CHRM3: variants seen among roughly 807,000 people sequenced by gnomAD.
CHRM3 encodes the protein cholinergic receptor muscarinic 3.
CHRM3 carries 11 observed loss-of-function variants against 41.8 expected under a neutral mutation model. That is an observed-to-expected ratio of 0.26 (90% CI 0.17 to 0.44). The LOEUF (loss-of-function observed/expected upper bound fraction) is 0.44, where lower values mean the gene tolerates loss of function less well. CHRM3 is among the 20% of genes least tolerant of loss of function. The pLI, the probability that CHRM3 is intolerant of heterozygous loss-of-function variation, is 1.00. For missense variants in CHRM3, 571 were observed against 745.4 expected (o/e 0.77, Z 2.72); for synonymous variants, 297 against 301.4 (o/e 0.99, Z 0.15).
chr1:239,502,799 A>G (rs1453217916), intron 2 of CHRM3, among the ~76,000 whole-genome samples: 3 of 152,238 alleles, frequency 2.0e-5, no homozygotes, highest in Non-Finnish European at 2.9e-5. Context: ...ACAGAATTAA[A>G]AACAAAAATC....
chr1:239,644,009 C>T (rs1671499508), intron 4 of CHRM3, among the ~76,000 whole-genome samples: 1 of 152,146 alleles, frequency 6.6e-6, no homozygotes, highest in African/African-American at 2.4e-5. Flanking sequence ...TCAGAAGTTT[C>T]TTGTAATTGA....
chr1:239,663,454 A>G (rs1223859814), intron 4 of CHRM3, among the ~76,000 whole-genome samples: 2 of 152,150 alleles, frequency 1.3e-5, no homozygotes, highest in Non-Finnish European at 2.9e-5. Context: ...AACGGAAGGA[A>G]ATCTGGTCCC....
intron 4 of CHRM3, among the ~76,000 whole-genome samples, chr1:239,639,353 A>G (rs779967114): frequency 1.4e-3 from 216 of 152,170 alleles, no homozygotes; most frequent in South Asian, 4.4e-3. Flanking sequence ...ATTACCTTGG[A>G]CAGTATGGCC....
intron 5 of CHRM3, among the ~76,000 whole-genome samples, chr1:239,750,086 A>G (rs2148568634): frequency 6.6e-6 from 1 of 152,292 alleles, no homozygotes; most frequent in South Asian, 2.1e-4. Context: ...ATTCAGACAC[A>G]CCTTTTCTTA....
intron 1 of CHRM3, among the ~76,000 whole-genome samples, chr1:239,433,064 C>G (rs1662952953): frequency 6.6e-6 from 1 of 152,076 alleles, no homozygotes; most frequent in Non-Finnish European, 1.5e-5. Context: ...TTATTTCTAG[C>G]TTTCTCCTCC....
chr1:239,908,917 C>T lies in CHRM3; in HGVS notation c.1466C>T (p.Ala489Val). ...ATGTCCCTGGTCAAGGAGAAGAAAG[C>T]GGCCCAGACCCTCAGTGCGATCTTG... ...KRMSLVKEKK[A>V]AQTLSAILLA... The change falls in exon 7 of 7, where the codon GCG becomes GTG. Residue 489 changes from alanine (A) to valine (V), a missense_variant. Around this residue, in one of 5 missense-constraint regions of CHRM3, gnomAD observed 43 missense variants for 93.7 expected, o/e 0.46. Coordinates refer to ENST00000676153, the MANE Select transcript of CHRM3 (RefSeq NM_001375978.1). The surrounding 1 kb of genome is among the most constrained non-coding windows in gnomAD (Gnocchi z 7.2). The T allele has an allele frequency of 6.2e-7, 1 of 1,614,104 alleles. No homozygotes were observed. The highest frequency in any genetic ancestry group is 8.5e-7 in the Non-Finnish European group (1 of 1,180,036).
At chr1:239,446,221 C>T (rs772937255) in intron 1 of CHRM3, among the ~76,000 whole-genome samples, 2 of 152,128 alleles carry the variant, frequency 1.3e-5, no homozygotes, top group African/African-American at 2.4e-5. Context: ...AGGCGTGAGC[C>T]ACCATGCCTG....
intron 6 of CHRM3, among the ~76,000 whole-genome samples, chr1:239,888,257 C>T (rs1572600421): frequency 6.6e-6 from 1 of 152,072 alleles, no homozygotes; most frequent in South Asian, 2.1e-4. Context: ...GATCCAGCTA[C>T]CCGGGAGGCT....
intron 2 of CHRM3, among the ~76,000 whole-genome samples, chr1:239,493,727 T>A (rs541196105): frequency 1.3e-5 from 2 of 152,182 alleles, no homozygotes; most frequent in African/African-American, 2.4e-5. Flanking sequence ...GCATTACTGA[T>A]GCTCAGTTGA....
At chr1:239,457,172 G>T (rs1183804624) in intron 1 of CHRM3, among the ~76,000 whole-genome samples, 4 of 152,040 alleles carry the variant, frequency 2.6e-5, no homozygotes, top group African/African-American at 9.7e-5. Context: ...CCCTTTCTTT[G>T]TATGGCCATA....
At chr1:239,565,910 C>CT (rs796838831) in intron 3 of CHRM3, among the ~76,000 whole-genome samples, 5,525 of 117,398 alleles carry the variant, frequency 0.047, 421 homozygotes, top group African/African-American at 0.14. Context: ...CATCTTTTTT[C>CT]TTTTTTTTTT....
At chr1:239,905,934 T>C (rs777469905) in intron 6 of CHRM3, among the ~76,000 whole-genome samples, 42 of 152,228 alleles carry the variant, frequency 2.8e-4, no homozygotes, top group Non-Finnish European at 5.3e-4. Flanking sequence ...GTACTTTATA[T>C]ATGTTAAAAC....
chr1:239,817,709 C>CAA (rs1316846036), intron 5 of CHRM3, among the ~76,000 whole-genome samples: 2 of 152,088 alleles, frequency 1.3e-5, no homozygotes, highest in Non-Finnish European at 2.9e-5. Flanking sequence ...CACACACACA[C>CAA]ACTCGCACAG....
intron 6 of CHRM3, among the ~76,000 whole-genome samples, chr1:239,892,026 G>T (rs1378072263): frequency 6.6e-6 from 1 of 152,230 alleles, no homozygotes; most frequent in African/African-American, 2.4e-5. Flanking sequence ...GTTCAGTCAA[G>T]TAAGAGGCTT....
intron 2 of CHRM3, among the ~76,000 whole-genome samples, chr1:239,522,153 A>G (rs1414535796): frequency 6.6e-6 from 1 of 152,210 alleles, no homozygotes. Flanking sequence ...TCCTCATCCC[A>G]TAAACAGTGG....
At chr1:239,483,708 A>G (rs1667009633) in intron 1 of CHRM3, among the ~76,000 whole-genome samples, 1 of 152,220 alleles carries the variant, frequency 6.6e-6, no homozygotes, top group African/African-American at 2.4e-5. Context: ...CACCTCAGAG[A>G]CAGAGTCTAA....
Position 239,669,192 on chromosome 1 carries a change from G to A in CHRM3, c.-249-8994G>A, listed in dbSNP as rs192577594. On this transcript the variant is annotated intron_variant, in intron 4 of 6. Transcript: ENST00000676153. ...GCCAGCGTTCCCCGAAGTTAGGCGA[G>A]ATTTCTAATGCCTTAAAAGGGAAAG... Among the ~76,000 whole-genome samples the A allele has an allele frequency of 2.6e-5, 4 of 152,214 alleles. No individual in the cohort carries two copies. The East Asian group carries it at 7.7e-4, about 29-fold the overall frequency.
At chr1:239,831,937 A>AT (rs1672925518) in intron 6 of CHRM3, among the ~76,000 whole-genome samples, 1 of 152,246 alleles carries the variant, frequency 6.6e-6, no homozygotes, top group African/African-American at 2.4e-5. Flanking sequence ...GCAAACAGCC[A>AT]TTACCATGCT....
At chr1:239,660,022 A>G (rs1048462262) in intron 4 of CHRM3, among the ~76,000 whole-genome samples, 1 of 152,172 alleles carries the variant, frequency 6.6e-6, no homozygotes, top group Non-Finnish European at 1.5e-5. Flanking sequence ...GTGCAGTGGT[A>G]TCGTTATAGC....
Sources: gnomAD v4.1 joint callset for allele counts (sites outside exome capture counted in the v4.1 genomes callset) on GRCh38, gnomAD v4.1.1 for gene constraint, gnomAD v4.1.1 regional missense constraint, Gnocchi (gnomAD v3.1) non-coding constraint, MANE v1.5 for transcripts, NCBI Gene and HGNC (gene_info 2026-07-23, HGNC 2026-07-21) for gene names.